Variants in DDAH1 observed in about 807,000 individuals in gnomAD.
DDAH1 encodes N(G),N(G)-dimethylarginine dimethylaminohydrolase 1.
In DDAH1, 19 loss-of-function variants were observed where a neutral mutation model predicts 28.8. The ratio of observed to expected loss-of-function variants is 0.66; its 90% CI spans 0.46 to 0.97. The LOEUF (loss-of-function observed/expected upper bound fraction) is 0.97, where lower values mean the gene tolerates loss of function less well. Among genes scored for constraint, DDAH1 ranks in the 50% least tolerant of loss-of-function variants. DDAH1 has a pLI of 0.00. For missense variants in DDAH1, 326 were observed against 375.9 expected (o/e 0.87, Z 1.10); for synonymous variants, 153 against 154.4 (o/e 0.99, Z 0.07).
At chr1:85,442,305 T>G (rs999034419) in intron 1 of DDAH1, among the ~76,000 whole-genome samples, 5 of 152,204 alleles carry the variant, frequency 3.3e-5, no homozygotes, top group African/African-American at 4.8e-5. Flanking sequence ...TGTGATAGTT[T>G]GCTGAGAATG....
At chr1:85,363,164 C>T (rs1398288439) in intron 1 of DDAH1, among the ~76,000 whole-genome samples, 1 of 152,148 alleles carries the variant, frequency 6.6e-6, no homozygotes, top group African/African-American at 2.4e-5. Flanking sequence ...TGTTTCACAT[C>T]TTCGTTCTAA....
intron 1 of DDAH1, among the ~76,000 whole-genome samples, chr1:85,559,787 A>T (rs1167218215): frequency 2.9e-5 from 4 of 136,476 alleles, no homozygotes; most frequent in Non-Finnish European, 6.2e-5. Flanking sequence ...ACCCAAAATG[A>T]AGCACACAGA....
intron 4 of DDAH1, among the ~76,000 whole-genome samples, chr1:85,349,175 T>C (rs1649044692): frequency 6.6e-6 from 1 of 152,206 alleles, no homozygotes; most frequent in Non-Finnish European, 1.5e-5. Context: ...AAAGACATTC[T>C]CTAAAGTAAA....
At chr1:85,413,087 A>C (rs1652733323) in intron 1 of DDAH1, among the ~76,000 whole-genome samples, 1 of 152,220 alleles carries the variant, frequency 6.6e-6, no homozygotes, top group Non-Finnish European at 1.5e-5. Flanking sequence ...TAAATCTATT[A>C]CCATGAATAC....
chr1:85,356,866 A>C (rs990256572), intron 2 of DDAH1, among the ~76,000 whole-genome samples: 3 of 152,214 alleles, frequency 2.0e-5, no homozygotes, highest in Non-Finnish European at 4.4e-5. Context: ...TTGCACTTTC[A>C]CACTGAGGAG....
At chr1:85,335,733 G>A (rs1378906549) in intron 4 of DDAH1, among the ~76,000 whole-genome samples, 1 of 152,000 alleles carries the variant, frequency 6.6e-6, no homozygotes, top group Admixed American at 6.6e-5. Context: ...AGGTTGAGGT[G>A]GGTGGATCAC....
intron 1 of DDAH1, among the ~76,000 whole-genome samples, chr1:85,419,293 C>G (rs1405610590): frequency 1.3e-5 from 2 of 151,960 alleles, no homozygotes; most frequent in Non-Finnish European, 1.5e-5. Context: ...AATCGCAGCA[C>G]TTTGGGAGGC....
intron 1 of DDAH1, among the ~76,000 whole-genome samples, chr1:85,392,305 T>C (rs1221750027): frequency 6.6e-6 from 1 of 152,154 alleles, no homozygotes; most frequent in African/African-American, 2.4e-5. Context: ...CCAAATTTCC[T>C]CTTCTTATAA....
chr1:85,382,586 TACTAAACAAAA>T (rs1463414026), intron 1 of DDAH1, among the ~76,000 whole-genome samples: 4 of 152,224 alleles, frequency 2.6e-5, no homozygotes, highest in Non-Finnish European at 5.9e-5. Flanking sequence ...AAGATGGTTA[TACTAAACAAAA>T]GTTTTCAAAT....
rs764813663 is a variant in DDAH1 at position 85,464,767 on chromosome 1, G to C, written c.279C>G (p.Pro93=). ...CCTCCTTCCTCCGGCTCGGCGCCCC[G>C]GGTCGGGTGATGAGGGCCGTCTCCT... ...VCEETALITR[P]GAPSRRKEVD... The change falls in exon 1 of 6, where the codon CCC becomes CCG. Residue 93 remains proline (P), a synonymous_variant. Transcript: ENST00000284031. This position sits in a 1 kb window ranked among gnomAD's most constrained non-coding sequence, Gnocchi z 4.4. The C allele has an allele frequency of 5.1e-6, 8 of 1,560,880 alleles. No homozygotes were observed. The highest frequency in any genetic ancestry group is 6.9e-6 in the Non-Finnish European group (8 of 1,158,448).
chr1:85,433,956 T>C (rs1653817835), intron 1 of DDAH1, among the ~76,000 whole-genome samples: 1 of 152,200 alleles, frequency 6.6e-6, no homozygotes, highest in South Asian at 2.1e-4. Context: ...TTAGATCAAA[T>C]GTAGGATTCA....
chr1:85,426,445 G>C (rs779311866), intron 1 of DDAH1, among the ~76,000 whole-genome samples: 1 of 152,130 alleles, frequency 6.6e-6, no homozygotes, highest in African/African-American at 2.4e-5. Flanking sequence ...TTCAATACAC[G>C]TTAATTGAAT....
intron 1 of DDAH1, among the ~76,000 whole-genome samples, chr1:85,382,251 T>C (rs945114021): frequency 2.6e-5 from 4 of 152,204 alleles, no homozygotes; most frequent in Admixed American, 1.3e-4. Context: ...ATTGATGATA[T>C]GGAGAAAGTT....
At chr1:85,458,424 CTTT>C (rs3058826) in intron 1 of DDAH1, among the ~76,000 whole-genome samples, 164 of 101,756 alleles carry the variant, frequency 1.6e-3, no homozygotes, top group Middle Eastern at 5.3e-3. Flanking sequence ...TACACACACA[CTTT>C]TTTTTTTTTT....
At chr1:85,352,373 C>A (rs233083) in intron 2 of DDAH1, among the ~76,000 whole-genome samples, 3 of 151,998 alleles carry the variant, frequency 2.0e-5, no homozygotes, top group Admixed American at 6.6e-5. Flanking sequence ...CCCTTGATGA[C>A]CCTGAACTGG....
At chr1:85,446,839 T>C (rs1654449790) in intron 1 of DDAH1, among the ~76,000 whole-genome samples, 1 of 152,110 alleles carries the variant, frequency 6.6e-6, no homozygotes, top group Non-Finnish European at 1.5e-5. Flanking sequence ...TCCTTCTCTC[T>C]TCCTATTTGC....
At chr1:85,577,118 G>A (rs991618404) in intron 1 of DDAH1, among the ~76,000 whole-genome samples, 8 of 152,118 alleles carry the variant, frequency 5.3e-5, no homozygotes, top group Non-Finnish European at 1.0e-4. Flanking sequence ...GCGCGGGCGG[G>A]GTGGCCGGCA....
intron 1 of DDAH1, among the ~76,000 whole-genome samples, chr1:85,412,427 C>T (rs143061554): frequency 6.6e-6 from 1 of 152,344 alleles, no homozygotes; most frequent in East Asian, 1.9e-4. Context: ...ACAAGACGAT[C>T]TTCCTGTGAC....
intron 1 of DDAH1, among the ~76,000 whole-genome samples, chr1:85,389,638 C>G (rs529999327): frequency 6.6e-6 from 1 of 152,272 alleles, no homozygotes; most frequent in East Asian, 1.9e-4. Context: ...GCTATATAAC[C>G]ATGTAATGTA....
Sources: gnomAD v4.1 joint callset for allele counts (sites outside exome capture counted in the v4.1 genomes callset) on GRCh38, gnomAD v4.1.1 for gene constraint, Gnocchi (gnomAD v3.1) non-coding constraint, MANE v1.5 for transcripts, NCBI Gene and HGNC (gene_info 2026-07-23, HGNC 2026-07-21) for gene names.